Variants in RSRC1 observed in about 807,000 individuals in gnomAD.
RSRC1 encodes the protein serine/Arginine-related protein 53.
Under a neutral mutation model 49.1 loss-of-function variants are expected in RSRC1, and 39 were observed. The ratio of observed to expected loss-of-function variants is 0.79; its 90% CI spans 0.61 to 1.04. The LOEUF is 1.04. RSRC1 is among the 50% of genes least tolerant of loss of function. The pLI is 0.00. For synonymous variants in RSRC1, 143 were observed against 130.8 expected, an observed-to-expected ratio of 1.09 and a Z score of -0.63; for missense variants, 388 against 402.4, an observed-to-expected ratio of 0.96 and a Z score of 0.31.
chr3:158,498,245 T>G lies in RSRC1; in HGVS notation c.652+37242T>G, dbSNP rs559169439. Among the ~76,000 whole-genome samples, 779 of 152,026 alleles carry G rather than the reference T, an allele frequency of 5.1e-3. 2 individuals are homozygous for G. Among genetic ancestry groups the G allele is most frequent in the African/African-American group, 0.018 (730 of 41,480 alleles). ...CCATGCCAACATCTTTTTTTTTTTT[T>G]TTATGGCCGTTCTTGCAGGAGTAAA... is the stretch of plus-strand genomic sequence containing the variant. On this transcript the variant is annotated intron_variant, in intron 7 of 9. Transcript: ENST00000611884.
intron 3 of RSRC1, among the ~76,000 whole-genome samples, chr3:158,159,899 A>G (rs1053633861): frequency 2.0e-5 from 3 of 152,086 alleles, no homozygotes; most frequent in South Asian, 2.1e-4. Flanking sequence ...AGCTTCAGTT[A>G]TCTTTGCTTA....
At chr3:158,152,924 G>A (rs754656037) in intron 3 of RSRC1, among the ~76,000 whole-genome samples, 15 of 152,134 alleles carry the variant, frequency 9.9e-5, no homozygotes, top group African/African-American at 3.4e-4. Context: ...TATGATCTTA[G>A]TAGATCTAAT....
chr3:158,256,369 T>A (rs755350853), intron 4 of RSRC1, among the ~76,000 whole-genome samples: 28 of 152,168 alleles, frequency 1.8e-4, no homozygotes, highest in Middle Eastern at 3.2e-3. Flanking sequence ...ACATTTATGA[T>A]TTGCGTATGT....
intron 4 of RSRC1, among the ~76,000 whole-genome samples, chr3:158,233,702 A>G (rs1723089078): frequency 6.6e-6 from 1 of 152,174 alleles, no homozygotes; most frequent in African/African-American, 2.4e-5. Flanking sequence ...GATATATTAT[A>G]TACAAAAGAC....
intron 7 of RSRC1, among the ~76,000 whole-genome samples, chr3:158,466,280 CG>C (rs1560055296): frequency 6.6e-6 from 1 of 152,092 alleles, no homozygotes; most frequent in Admixed American, 6.5e-5. Context: ...CAATTTAGAT[CG>C]CATTTTACTT....
chr3:158,276,515 C>A, intron 4 of RSRC1: 1 of 557,094 alleles, frequency 1.8e-6, no homozygotes, highest in South Asian at 2.4e-5. Flanking sequence ...CATGTTACCC[C>A]TCTTTTCTCA....
intron 7 of RSRC1, among the ~76,000 whole-genome samples, chr3:158,472,280 T>A (rs1560057411): frequency 6.6e-6 from 1 of 152,164 alleles, no homozygotes; most frequent in African/African-American, 2.4e-5. Flanking sequence ...CTTCTGTCTG[T>A]AAAATAACTT....
intron 6 of RSRC1, among the ~76,000 whole-genome samples, chr3:158,460,054 A>C (rs182232246): frequency 2.7e-4 from 41 of 152,020 alleles, no homozygotes; most frequent in Admixed American, 2.7e-3. Flanking sequence ...TTACATTGCT[A>C]TTATTATTAT....
chr3:158,485,951 G>A (rs561911246), intron 7 of RSRC1, among the ~76,000 whole-genome samples: 4 of 151,916 alleles, frequency 2.6e-5, no homozygotes, highest in Admixed American at 6.6e-5. Flanking sequence ...AATTTAGTTC[G>A]GCATGATTTT....
chr3:158,320,960 G>T (rs1004342053), intron 5 of RSRC1, among the ~76,000 whole-genome samples: 1 of 152,030 alleles, frequency 6.6e-6, no homozygotes, highest in African/African-American at 2.4e-5. Context: ...TAGAACACTG[G>T]TTCTTAATTT....
At chr3:158,329,964 C>T (rs827188) in intron 5 of RSRC1, among the ~76,000 whole-genome samples, 87,618 of 151,986 alleles carry the variant, frequency 0.58, 25,595 homozygotes, top group East Asian at 0.74. Flanking sequence ...TCGCTGCCGC[C>T]TTGCAGTTCG....
At chr3:158,357,428 A>G (rs1731217552) in intron 6 of RSRC1, among the ~76,000 whole-genome samples, 1 of 152,160 alleles carries the variant, frequency 6.6e-6, no homozygotes, top group Non-Finnish European at 1.5e-5. Flanking sequence ...TTTTACTAGA[A>G]TTGCTTTTTG....
intron 5 of RSRC1, among the ~76,000 whole-genome samples, chr3:158,327,721 G>A (rs979837355): frequency 2.6e-5 from 4 of 152,138 alleles, no homozygotes; most frequent in Admixed American, 1.3e-4. Flanking sequence ...GATTTGGGGT[G>A]GAGAGTTCTG....
intron 2 of RSRC1, 21 bp downstream of exon 2, chr3:158,122,319 T>G (rs1715312318): frequency 6.8e-7 from 1 of 1,469,316 alleles, no homozygotes; most frequent in East Asian, 2.5e-5. Flanking sequence ...TAATTTTTAT[T>G]TATATAGTAA....
At chr3:158,506,880 T>G (rs1739885081) in intron 7 of RSRC1, among the ~76,000 whole-genome samples, 1 of 150,022 alleles carries the variant, frequency 6.7e-6, no homozygotes, top group South Asian at 2.1e-4. Context: ...ATGTATATGT[T>G]TATTTTATGT....
At chr3:158,156,248 ACTTTT>A (rs1478778976) in intron 3 of RSRC1, among the ~76,000 whole-genome samples, 3 of 152,156 alleles carry the variant, frequency 2.0e-5, no homozygotes, top group Non-Finnish European at 2.9e-5. Flanking sequence ...CTAGCTTCAA[ACTTTT>A]CTTTTGTAGC....
intron 5 of RSRC1, among the ~76,000 whole-genome samples, chr3:158,335,722 A>G (rs1729844447): frequency 6.6e-6 from 1 of 152,198 alleles, no homozygotes; most frequent in African/African-American, 2.4e-5. Flanking sequence ...TGGGCCCTGT[A>G]GTCTCTATTG....
At chr3:158,271,396 T>C (rs575873006) in intron 4 of RSRC1, among the ~76,000 whole-genome samples, 1 of 152,096 alleles carries the variant, frequency 6.6e-6, no homozygotes, top group African/African-American at 2.4e-5. Flanking sequence ...TTCTTATAAA[T>C]TTACACTGAT....
chr3:158,415,206 TA>T (rs1578446396), intron 6 of RSRC1, among the ~76,000 whole-genome samples: 1 of 152,236 alleles, frequency 6.6e-6, no homozygotes, highest in East Asian at 1.9e-4. Flanking sequence ...TTTATACCTG[TA>T]TGATCTACTT....
Sources: gnomAD v4.1 joint callset for allele counts (sites outside exome capture counted in the v4.1 genomes callset) on GRCh38, gnomAD v4.1.1 for gene constraint, MANE v1.5 for transcripts, NCBI Gene and HGNC (gene_info 2026-07-23, HGNC 2026-07-21) for gene names.